The following MAN1A2 variants were observed in gnomAD, a reference collection of about 807,000 sequenced individuals.
MAN1A2 encodes the protein mannosyl-oligosaccharide 1,2-alpha-mannosidase IB.
Under a neutral mutation model 75.7 loss-of-function variants are expected in MAN1A2, and 26 were observed. That is an observed-to-expected ratio of 0.34 (90% confidence interval 0.25 to 0.48). The LOEUF is 0.48. Ranked by LOEUF, MAN1A2 falls within the 20% of genes least tolerant of loss-of-function variation. MAN1A2 has a pLI of 0.99. For missense variants in MAN1A2, 562 were observed against 775.5 expected (o/e 0.72, Z 3.27); for synonymous variants, 247 against 264.6 (o/e 0.93, Z 0.65).
chr1:117,462,319 G>A (rs1244446345), intron 7 of MAN1A2, among the ~76,000 whole-genome samples: 1 of 152,032 alleles, frequency 6.6e-6, no homozygotes, highest in Non-Finnish European at 1.5e-5. Flanking sequence ...ATACAAAATA[G>A]TAATGAAAAA....
intron 4 of MAN1A2, among the ~76,000 whole-genome samples, 189 bp from the exon 5 acceptor site, chr1:117,420,380 A>T (rs1248434963): frequency 6.6e-6 from 1 of 152,054 alleles, no homozygotes; most frequent in Non-Finnish European, 1.5e-5. Flanking sequence ...CTGTGGTGAC[A>T]GCAGTAGAGA....
chr1:117,376,103 G>A (rs1194873073), intron 1 of MAN1A2, among the ~76,000 whole-genome samples: 1 of 151,988 alleles, frequency 6.6e-6, no homozygotes, highest in Non-Finnish European at 1.5e-5. Context: ...GTAGAGACGG[G>A]GTTTCACCGC....
chr1:117,446,209 T>G (rs1183821076), intron 6 of MAN1A2, among the ~76,000 whole-genome samples: 2 of 151,714 alleles, frequency 1.3e-5, no homozygotes, highest in Non-Finnish European at 2.9e-5. Flanking sequence ...ATTTGTCAAT[T>G]TTGTTAATCT....
rs1271817017 is a variant in MAN1A2, at chr1:117,506,300, G to A, written c.1793+3330G>A. On this transcript the variant is annotated intron_variant, in intron 12 of 12. Transcript: ENST00000356554. ...CCAGAGATGGAAACTGATTGTCACGGCAGTGGCAAAGTTAAATGAAAAAAC... is the reference window on the plus strand; with the variant it reads ...CCAGAGATGGAAACTGATTGTCACGACAGTGGCAAAGTTAAATGAAAAAAC... 3.3e-5 allele frequency among the ~76,000 whole-genome samples: 5 copies of A among 151,476 alleles called. No homozygotes were observed. The Admixed American group carries it at 3.3e-4, about 10-fold the overall frequency.
intron 7 of MAN1A2, among the ~76,000 whole-genome samples, chr1:117,462,482 A>G (rs1649852894): frequency 2.6e-5 from 4 of 152,186 alleles, no homozygotes; most frequent in African/African-American, 9.6e-5. Flanking sequence ...TCTAAATTAA[A>G]TGTTTTATTT....
In MAN1A2 at chr1:117,528,803, A is replaced by C. The variant is rs549603599; in HGVS notation, c.*5846A>C. The C allele has an allele frequency of 6.6e-6, 1 of 152,214 alleles. No individual in the cohort carries two copies. The highest frequency in any genetic ancestry group is 2.1e-4 in the South Asian group (1 of 4,826). The allele number at this position is 152,214 out of a possible 1,614,324, so 9.4% of individuals were successfully genotyped here. A position where few individuals can be genotyped will look rare whatever the true frequency, so the allele number is the denominator to read the frequency against. Reference sequence around the variant, plus strand: ...CTGGTTTCCAGTCATGTCCTCCAGTATGTGATTTTTATAAATTAAAGGTAA... The same window carrying C: ...CTGGTTTCCAGTCATGTCCTCCAGTCTGTGATTTTTATAAATTAAAGGTAA... On this transcript the variant is annotated 3_prime_UTR_variant, in exon 13 of 13. Transcript: ENST00000356554.
chr1:117,436,848 A>T (rs1003413327), intron 5 of MAN1A2, among the ~76,000 whole-genome samples: 1 of 152,232 alleles, frequency 6.6e-6, no homozygotes, highest in Non-Finnish European at 1.5e-5. Flanking sequence ...AAAGCCTTTT[A>T]TCTCTGACCC....
chr1:117,497,013 T>G (rs1195207536), intron 10 of MAN1A2, 31 bp downstream of exon 10: 1 of 1,519,816 alleles, frequency 6.6e-7, no homozygotes, highest in East Asian at 2.3e-5. Flanking sequence ...AATTATATAG[T>G]CTAAAATAAT....
At chr1:117,454,658 CAAA>C (rs956104511) in intron 6 of MAN1A2, among the ~76,000 whole-genome samples, 2 of 151,970 alleles carry the variant, frequency 1.3e-5, no homozygotes, top group African/African-American at 2.4e-5. Context: ...CAGATTTACA[CAAA>C]GAAGGGAAGG....
intron 5 of MAN1A2, among the ~76,000 whole-genome samples, chr1:117,432,982 T>G (rs1570740967): frequency 6.7e-6 from 1 of 149,764 alleles, no homozygotes; most frequent in East Asian, 1.9e-4. Context: ...CAAGAAAAAT[T>G]TCTTTTATTG....
Position 117,383,972 on chromosome 1 carries a change from G to A in MAN1A2, c.302+15487G>A, listed in dbSNP as rs186343732. Among the ~76,000 whole-genome samples the A allele has an allele frequency of 1.1e-4, 16 of 152,184 alleles. No individual in the cohort carries two copies. In the East Asian group the frequency reaches 3.1e-3, roughly 29 times the overall value. ...TTATTTCTGTAAGGTCAGCTGCAGT[G>A]TCTCCACTTTTATTTGTGATTTTAG... is the stretch of plus-strand genomic sequence containing the variant. On this transcript the variant is annotated intron_variant, in intron 1 of 12. Transcript: ENST00000356554.
At chr1:117,471,866 A>G (rs1395116136) in intron 8 of MAN1A2, among the ~76,000 whole-genome samples, 3 of 152,004 alleles carry the variant, frequency 2.0e-5, no homozygotes, top group African/African-American at 7.2e-5. Flanking sequence ...TCAGATACTG[A>G]GAAGAAACCG....
chr1:117,442,348 ATT>A (rs778686437), intron 6 of MAN1A2, 23 bp downstream of exon 6: 1 of 1,449,160 alleles, frequency 6.9e-7, no homozygotes, highest in Non-Finnish European at 9.7e-7. Context: ...GGGTATTCTT[ATT>A]CTGGAAGAAT....
At chr1:117,416,999 A>G (rs972107176) in intron 4 of MAN1A2, among the ~76,000 whole-genome samples, 4 of 152,318 alleles carry the variant, frequency 2.6e-5, no homozygotes, top group African/African-American at 9.6e-5. Flanking sequence ...AGACACTATC[A>G]GAAACTAGAA....
chr1:117,373,652 A>T (rs1653045841), intron 1 of MAN1A2, among the ~76,000 whole-genome samples: 1 of 151,970 alleles, frequency 6.6e-6, no homozygotes, highest in Admixed American at 6.5e-5. Flanking sequence ...GTGAACAACC[A>T]TGCTAGGTTA....
intron 8 of MAN1A2, among the ~76,000 whole-genome samples, chr1:117,489,987 T>G (rs1650830167): frequency 6.6e-6 from 1 of 151,786 alleles, no homozygotes; most frequent in Non-Finnish European, 1.5e-5. Context: ...GAAGCAGAGT[T>G]CAAGGATATA....
chr1:117,476,284 A>C (rs974755207), intron 8 of MAN1A2, among the ~76,000 whole-genome samples: 1 of 151,976 alleles, frequency 6.6e-6, no homozygotes, highest in Non-Finnish European at 1.5e-5. Flanking sequence ...TAGATTGCAA[A>C]AATTTTCTCC....
At chr1:117,481,917 T>G (rs1650510028) in intron 8 of MAN1A2, among the ~76,000 whole-genome samples, 1 of 151,938 alleles carries the variant, frequency 6.6e-6, no homozygotes, top group Admixed American at 6.6e-5. Context: ...CTAGAAATTT[T>G]TCTTCTAACC....
chr1:117,418,008 T>C (rs932309142), intron 4 of MAN1A2, among the ~76,000 whole-genome samples: 5 of 152,010 alleles, frequency 3.3e-5, no homozygotes, highest in Admixed American at 3.3e-4. Flanking sequence ...ATCATGCTAC[T>C]GTACTCTAGC....
Sources: allele counts gnomAD v4.1 joint callset (sites outside exome capture counted in the v4.1 genomes callset), GRCh38; gene constraint gnomAD v4.1.1; transcripts MANE v1.5; gene names NCBI Gene and HGNC (gene_info 2026-07-23, HGNC 2026-07-21).